CSMD1: variants seen among roughly 807,000 people sequenced by gnomAD.
The protein encoded by CSMD1 is CUB and sushi domain-containing protein 1.
In CSMD1, 213 loss-of-function variants were observed where a neutral mutation model predicts 417.5. The ratio of observed to expected loss-of-function variants is 0.51; its 90% CI spans 0.46 to 0.57. The LOEUF (loss-of-function observed/expected upper bound fraction) is 0.57, where lower values mean the gene tolerates loss of function less well. Ranked by LOEUF, CSMD1 falls within the 20% of genes least tolerant of loss-of-function variation. CSMD1 has a pLI of 0.00. For synonymous variants in CSMD1, 2,862 were observed against 1,736.8 expected, an observed-to-expected ratio of 1.65 and a Z score of -16.11; for missense variants, 6,923 against 4,529.7, an observed-to-expected ratio of 1.53 and a Z score of -15.17.
chr8:4,037,580 A>C (rs922334166), intron 3 of CSMD1, among the ~76,000 whole-genome samples: 1 of 149,606 alleles, frequency 6.7e-6, no homozygotes, highest in Non-Finnish European at 1.5e-5. Context: ...TTTTCAACTG[A>C]CAGGGATTGC....
intron 5 of CSMD1, among the ~76,000 whole-genome samples, chr8:3,765,982 G>A (rs73188945): frequency 0.26 from 39,560 of 152,164 alleles, 5,412 homozygotes; most frequent in African/African-American, 0.3. Flanking sequence ...TAACCCAGAG[G>A]TCAGGCAGAG....
chr8:4,358,313 G>C (rs888301411), intron 3 of CSMD1, among the ~76,000 whole-genome samples: 5 of 152,198 alleles, frequency 3.3e-5, no homozygotes, highest in African/African-American at 1.2e-4. Flanking sequence ...GGTGCCATCT[G>C]ACAGCTGCCT....
chr8:3,810,263 C>T (rs945127639), intron 5 of CSMD1, among the ~76,000 whole-genome samples: 5 of 152,134 alleles, frequency 3.3e-5, no homozygotes, highest in East Asian at 3.9e-4. Context: ...AATGCTGGTA[C>T]TTCCATGTAT....
At chr8:3,674,944 C>A (rs1314464975) in intron 7 of CSMD1, among the ~76,000 whole-genome samples, 2 of 152,178 alleles carry the variant, frequency 1.3e-5, no homozygotes, top group Non-Finnish European at 2.9e-5. Context: ...CCCTAAGCCT[C>A]TGTAGGCCAA....
intron 3 of CSMD1, among the ~76,000 whole-genome samples, chr8:4,188,805 AT>A (rs1476103223): frequency 2.7e-4 from 9 of 33,164 alleles, no homozygotes; most frequent in Middle Eastern, 0.012. Context: ...GATGAATATT[AT>A]GGGGGAGGAT....
chr8:3,795,705 CT>C lies in CSMD1; in HGVS notation c.819-41664del, dbSNP rs1800044837. Among the ~76,000 whole-genome samples, 6 of 42,966 alleles carry C rather than the reference CT, an allele frequency of 1.4e-4. 3 individuals carry two copies. The highest frequency in any genetic ancestry group is 1.8e-4 in the Non-Finnish European group (4 of 22,374). 28.2% of individuals were successfully genotyped at this position (42,966 alleles called of 152,430 possible). ...ATCATGTATAGATATAGATATATAT[CT>C]ATCAAGTACAGCTATAGATATCTAT... On this transcript the variant is annotated intron_variant, in intron 5 of 69. Transcript: ENST00000635120.
At chr8:3,535,912 T>C (rs986942105) in intron 10 of CSMD1, among the ~76,000 whole-genome samples, 1 of 152,262 alleles carries the variant, frequency 6.6e-6, no homozygotes, top group African/African-American at 2.4e-5. Flanking sequence ...TCCTGGTGGA[T>C]GCTGCTTCAA....
chr8:4,048,159 G>C (rs746495107), intron 3 of CSMD1, among the ~76,000 whole-genome samples: 2 of 152,154 alleles, frequency 1.3e-5, no homozygotes, highest in African/African-American at 2.4e-5. Context: ...AATGTACGCA[G>C]TCAGACTTTG....
intron 1 of CSMD1, among the ~76,000 whole-genome samples, chr8:4,797,701 C>T (rs1041882051): frequency 1.3e-5 from 2 of 152,100 alleles, no homozygotes; most frequent in African/African-American, 4.8e-5. Context: ...GATTCACAAG[C>T]AACAAAGATA....
At chr8:4,898,911 ATTAGAT>A (rs1482794812) in intron 1 of CSMD1, among the ~76,000 whole-genome samples, 5 of 152,308 alleles carry the variant, frequency 3.3e-5, no homozygotes, top group South Asian at 2.1e-4. Flanking sequence ...GTTTAATAAG[ATTAGAT>A]TTAGAGATAA....
intron 3 of CSMD1, among the ~76,000 whole-genome samples, chr8:4,161,655 C>G (rs1308016491): frequency 3.9e-5 from 6 of 152,132 alleles, no homozygotes; most frequent in African/African-American, 7.2e-5. Context: ...CTTCCAACGT[C>G]AACAACAGCC....
chr8:3,243,006 G>A (rs1243154658), intron 26 of CSMD1, among the ~76,000 whole-genome samples: 3 of 152,190 alleles, frequency 2.0e-5, no homozygotes, highest in East Asian at 3.9e-4. Flanking sequence ...GACCAGCGCC[G>A]GAGTTTTGAG....
intron 15 of CSMD1, among the ~76,000 whole-genome samples, chr8:3,400,745 T>G (rs1478148484): frequency 6.6e-6 from 1 of 151,730 alleles, no homozygotes. Context: ...GCAGTGGAAA[T>G]TAAAAACATG....
chr8:3,563,347 A>G (rs1412700476), intron 10 of CSMD1, among the ~76,000 whole-genome samples: 8 of 150,882 alleles, frequency 5.3e-5, no homozygotes, highest in African/African-American at 2.0e-4. Flanking sequence ...TGTTACTCAT[A>G]TCATTACTAT....
chr8:3,047,652 T>G (rs1406786627), intron 50 of CSMD1, among the ~76,000 whole-genome samples: 1 of 152,216 alleles, frequency 6.6e-6, no homozygotes, highest in Non-Finnish European at 1.5e-5. Flanking sequence ...CTCCCTTCCT[T>G]TACCCCCAAC....
chr8:4,733,015 G>A (rs944222472), intron 1 of CSMD1, among the ~76,000 whole-genome samples: 4 of 119,942 alleles, frequency 3.3e-5, no homozygotes, highest in Non-Finnish European at 7.6e-5. Flanking sequence ...CATTTGCACG[G>A]TTTCTTTGGA....
At chr8:3,641,953 C>A (rs1220293869) in intron 7 of CSMD1, among the ~76,000 whole-genome samples, 5 of 152,130 alleles carry the variant, frequency 3.3e-5, no homozygotes, top group African/African-American at 1.2e-4. Flanking sequence ...GAGTGAATCC[C>A]TGACACAGAT....
intron 1 of CSMD1, among the ~76,000 whole-genome samples, chr8:4,759,823 T>C (rs187217580): frequency 6.6e-6 from 1 of 152,342 alleles, no homozygotes; most frequent in Non-Finnish European, 1.5e-5. Context: ...TGATGGACAT[T>C]TGGGTTGATT....
intron 3 of CSMD1, among the ~76,000 whole-genome samples, chr8:4,138,663 A>G (rs956967178): frequency 2.0e-5 from 3 of 152,164 alleles, no homozygotes; most frequent in African/African-American, 7.2e-5. Context: ...TCAAAGTATT[A>G]TTTCTATTTT....
Sources: gnomAD v4.1 joint callset for allele counts (sites outside exome capture counted in the v4.1 genomes callset) on GRCh38, gnomAD v4.1.1 for gene constraint, MANE v1.5 for transcripts, NCBI Gene and HGNC (gene_info 2026-07-23, HGNC 2026-07-21) for gene names.